The following PPM1H variants were observed in gnomAD, a reference collection of about 807,000 sequenced individuals.
PPM1H encodes protein phosphatase, Mg2+/Mn2+ dependent 1H.
A neutral mutation model predicts 54.9 loss-of-function variants in PPM1H; 27 were observed. The ratio of observed to expected loss-of-function variants is 0.49; its 90% confidence interval spans 0.36 to 0.68. PPM1H has a LOEUF of 0.68. Ranked by LOEUF, PPM1H falls within the 30% of genes least tolerant of loss-of-function variation. The pLI, the probability that PPM1H is intolerant of heterozygous loss-of-function variation, is 0.00. For missense variants in PPM1H, 596 were observed against 667.8 expected, an observed-to-expected ratio of 0.89 and a Z score of 1.19; for synonymous variants, 305 against 270.8, an observed-to-expected ratio of 1.13 and a Z score of -1.24.
chr12:62,747,848 A>G (rs2120564863), intron 4 of PPM1H, among the ~76,000 whole-genome samples: 1 of 152,370 alleles, frequency 6.6e-6, no homozygotes, highest in South Asian at 2.1e-4. Context: ...GAACCCACCA[A>G]GTACTCCCTC....
In PPM1H at chr12:62,888,861, T is replaced by C. The variant is rs373350758; in HGVS notation, c.245+45631A>G. ...GAGAGGATACTTGGCTAAAGTCTTG[T>C]GAGTGATGCAAGGTGACGAAGCCAG... On this transcript the variant is annotated intron_variant, in intron 1 of 9. Transcript: ENST00000228705. Among the ~76,000 whole-genome samples, 11 of 152,320 alleles carry C rather than the reference T, an allele frequency of 7.2e-5. No individual in the cohort carries two copies. The East Asian group carries it at 1.7e-3, about 24-fold the overall frequency.
chr12:62,646,956 C>G lies in PPM1H; in HGVS notation c.*1533G>C, dbSNP rs1427583663. On this transcript the variant is annotated 3_prime_UTR_variant, in exon 10 of 10. Coordinates refer to ENST00000228705, the MANE Select transcript of PPM1H (RefSeq NM_020700.2). ...CTCTAGCATGCTGGGGGGGTCACGT[C>G]AGTGACCTTTTTTCCTTTTTGGGTC... The G allele has an allele frequency of 1.3e-5, 2 of 152,174 alleles. No homozygotes were observed. The highest frequency in any genetic ancestry group is 4.8e-5 in the African/African-American group (2 of 41,426). The allele number at this position is 152,174 out of a possible 1,614,324, so 9.4% of individuals were successfully genotyped here.
rs1036387505 is a variant in PPM1H, at chr12:62,900,216, G to A, written c.245+34276C>T. Among the ~76,000 whole-genome samples the A allele has an allele frequency of 2.0e-5, 3 of 152,208 alleles. 1 individual carries two copies. Among genetic ancestry groups the A allele is most frequent in the Admixed American group, 2.0e-4 (3 of 15,280 alleles). On this transcript the variant is annotated intron_variant, in intron 1 of 9. Coordinates refer to ENST00000228705, the MANE Select transcript of PPM1H (RefSeq NM_020700.2). ...ACTGACTTCCTCGTTTGGATAAGAA[G>A]GAAAGGACTCATTGTTCAATTCCCA...
At chr12:62,813,109 G>A (rs528560860) in intron 2 of PPM1H, among the ~76,000 whole-genome samples, 1 of 152,130 alleles carries the variant, frequency 6.6e-6, no homozygotes, top group South Asian at 2.1e-4. Context: ...CAACTGAGAA[G>A]GAGAGGTTCT....
chr12:62,715,994 G>A (rs188120714), intron 6 of PPM1H, among the ~76,000 whole-genome samples: 34 of 152,294 alleles, frequency 2.2e-4, no homozygotes, highest in African/African-American at 7.7e-4. Context: ...GAATGATCAT[G>A]TCTAATTATC....
intron 6 of PPM1H, among the ~76,000 whole-genome samples, chr12:62,718,050 C>T (rs888552167): frequency 6.6e-6 from 1 of 152,188 alleles, no homozygotes; most frequent in African/African-American, 2.4e-5. Context: ...TTTAAATGTG[C>T]ACATCAACTG....
chr12:62,801,785 C>CCTG (rs1465127776), intron 3 of PPM1H, 31 bp downstream of exon 3: 5 of 1,609,554 alleles, frequency 3.1e-6, no homozygotes, highest in Non-Finnish European at 4.2e-6. Context: ...CCAGCCTGGC[C>CCTG]CTGCTGCCCC....
intron 2 of PPM1H, among the ~76,000 whole-genome samples, chr12:62,822,141 G>T (rs2076907350): frequency 6.6e-6 from 1 of 152,088 alleles, no homozygotes; most frequent in African/African-American, 2.4e-5. Flanking sequence ...AACCAAAGAA[G>T]ATCAGAAGAG....
intron 8 of PPM1H, among the ~76,000 whole-genome samples, chr12:62,682,276 C>T (rs1447285568): frequency 6.6e-6 from 1 of 152,180 alleles, no homozygotes; most frequent in Non-Finnish European, 1.5e-5. Context: ...TTCTGCTTCA[C>T]TTCAGATGGC....
chr12:62,913,902 G>C (rs1378207102), intron 1 of PPM1H, among the ~76,000 whole-genome samples: 4 of 152,236 alleles, frequency 2.6e-5, no homozygotes, highest in East Asian at 1.9e-4. Flanking sequence ...ATTTTACCAT[G>C]TTGGCCAGGC....
chr12:62,755,883 A>AG, intron 4 of PPM1H: 1 of 783,984 alleles, frequency 1.3e-6, no homozygotes. Flanking sequence ...GTTGTGGGCA[A>AG]GGTCATCCCT....
At chr12:62,710,296 C>T (rs1275479780) in intron 6 of PPM1H, among the ~76,000 whole-genome samples, 1 of 152,100 alleles carries the variant, frequency 6.6e-6, no homozygotes, top group Non-Finnish European at 1.5e-5. Context: ...CTTTGGGAGG[C>T]TGAGGTGGGC....
Position 62,646,195 on chromosome 12 carries a change from T to TAA in PPM1H, c.*2292_*2293dup, listed in dbSNP as rs2075783971. On this transcript the variant is annotated 3_prime_UTR_variant, in exon 10 of 10. Coordinates refer to ENST00000228705, the MANE Select transcript of PPM1H (RefSeq NM_020700.2). Reference sequence around the variant, plus strand: ...CCTTTCTAACTAAAACCAGCAGGACTAAGTGCTCAAGATTTTATAATATTT... The same window carrying TAA: ...CCTTTCTAACTAAAACCAGCAGGACTAAAAGTGCTCAAGATTTTATAATATTT... 6.6e-6 allele frequency: 1 copy of TAA among 152,214 alleles called. No individual in the cohort carries two copies. Among genetic ancestry groups the TAA allele is most frequent in the African/African-American group, 2.4e-5 (1 of 41,454 alleles). The allele number at this position is 152,214 out of a possible 1,614,324, so 9.4% of individuals were successfully genotyped here. A position where few individuals can be genotyped will look rare whatever the true frequency, so the allele number is the denominator to read the frequency against.
intron 2 of PPM1H, among the ~76,000 whole-genome samples, chr12:62,821,938 C>G (rs1291677054): frequency 6.6e-6 from 1 of 152,066 alleles, no homozygotes; most frequent in Non-Finnish European, 1.5e-5. Context: ...GCTAAATGCC[C>G]CAATTAAAAG....
chr12:62,820,759 C>G (rs2076898279), intron 2 of PPM1H, among the ~76,000 whole-genome samples: 1 of 152,198 alleles, frequency 6.6e-6, no homozygotes, highest in African/African-American at 2.4e-5. Flanking sequence ...AACACCCCAT[C>G]TGTAGGTCAC....
intron 3 of PPM1H, among the ~76,000 whole-genome samples, chr12:62,790,304 C>T (rs942056411): frequency 5.9e-5 from 9 of 152,208 alleles, no homozygotes; most frequent in Admixed American, 5.2e-4. Context: ...AAGCCAGGCA[C>T]GGTGGCTAAC....
intron 4 of PPM1H, among the ~76,000 whole-genome samples, chr12:62,770,374 CTAT>C (rs2076571526): frequency 6.6e-6 from 1 of 152,086 alleles, no homozygotes. Flanking sequence ...TCCCACAGCG[CTAT>C]GATAAGTCAC....
At chr12:62,928,369 A>G (rs1329651158) in intron 1 of PPM1H, among the ~76,000 whole-genome samples, 2 of 152,198 alleles carry the variant, frequency 1.3e-5, no homozygotes, top group African/African-American at 4.8e-5. Flanking sequence ...CCATAACATT[A>G]TGTTGTATAA....
intron 6 of PPM1H, among the ~76,000 whole-genome samples, chr12:62,701,946 T>C (rs963400444): frequency 6.6e-6 from 1 of 152,380 alleles, no homozygotes; most frequent in African/African-American, 2.4e-5. Flanking sequence ...CCTATTTACC[T>C]GTCTATCTTT....
Sources: allele counts gnomAD v4.1 joint callset (sites outside exome capture counted in the v4.1 genomes callset), GRCh38; gene constraint gnomAD v4.1.1; transcripts MANE v1.5; gene names NCBI Gene and HGNC (gene_info 2026-07-23, HGNC 2026-07-21).